Variants in TYW1 observed in about 807,000 individuals in gnomAD.
The protein encoded by TYW1 is tRNA-yW synthesizing protein 1 homolog, also known as S-adenosyl-L-methionine-dependent tRNA 4-demethylwyosine synthase TYW1.
Under a neutral mutation model 96.2 loss-of-function variants are expected in TYW1, and 46 were observed. That is an observed-to-expected ratio of 0.48 (90% CI 0.38 to 0.61). The LOEUF (loss-of-function observed/expected upper bound fraction) is 0.61. TYW1 is among the 20% of genes least tolerant of loss of function. The probability of loss-of-function intolerance (pLI) is 0.00; values close to 1 mark genes in which losing one functional copy is unlikely to be tolerated. For synonymous variants in TYW1, 274 were observed against 323.0 expected, an observed-to-expected ratio of 0.85 and a Z score of 1.63; for missense variants, 684 against 909.6, an observed-to-expected ratio of 0.75 and a Z score of 3.19.
intron 13 of TYW1, among the ~76,000 whole-genome samples, chr7:67,156,705 G>A (rs1292202753): frequency 5.3e-5 from 8 of 152,142 alleles, no homozygotes; most frequent in Non-Finnish European, 7.3e-5. Flanking sequence ...CCAGAGATGT[G>A]GAGATGCAGG....
At chr7:67,097,364 T>TG (rs1295695941) in intron 11 of TYW1, among the ~76,000 whole-genome samples, 2 of 152,204 alleles carry the variant, frequency 1.3e-5, no homozygotes, top group Non-Finnish European at 2.9e-5. Context: ...CCCACTCTGA[T>TG]GAAACAGACT....
Position 67,141,287 on chromosome 7 carries a change from T to G in TYW1, c.1698+23669T>G, listed in dbSNP as rs1798440654. Among the ~76,000 whole-genome samples the G allele has an allele frequency of 2.0e-5, 3 of 152,188 alleles. No homozygotes were observed. The South Asian group carries it at 6.2e-4, about 31-fold the overall frequency. ...TTCTTTTTAACATTTATTTACAGAC[T>G]GGAATATTAAGCTTTATGCAAACCT... On this transcript the variant is annotated intron_variant, in intron 13 of 15. Coordinates refer to ENST00000359626, the MANE Select transcript of TYW1 (RefSeq NM_018264.4).
At chr7:67,177,154 C>T (rs1799698988) in intron 13 of TYW1, among the ~76,000 whole-genome samples, 1 of 152,150 alleles carries the variant, frequency 6.6e-6, no homozygotes, top group Non-Finnish European at 1.5e-5. Context: ...ATATTTATTA[C>T]AGTGGACTAT....
rs761807165 is a variant in TYW1 at position 67,009,653 on chromosome 7, A to G, written c.344A>G (p.Glu115Gly). 1 of 1,611,204 alleles carries G rather than the reference A, an allele frequency of 6.2e-7. No homozygotes were observed. Among genetic ancestry groups the G allele is most frequent in the Middle Eastern group, 1.7e-4 (1 of 6,054 alleles). Residue 115 changes from glutamate (E) to glycine (G), a missense_variant, in exon 4 of 16, where the codon GAA becomes GGA. Coordinates refer to ENST00000359626, the MANE Select transcript of TYW1 (RefSeq NM_018264.4). ...DLPVAIINLK[E>G]YDPDDHLIEE... ...CCTGTGGCCATTATTAATCTAAAAGAATATGATCCAGATGATCATCTGATA... is the reference window on the plus strand; with the variant it reads ...CCTGTGGCCATTATTAATCTAAAAGGATATGATCCAGATGATCATCTGATA...
At chr7:67,000,587 C>A (rs1276006174) in intron 3 of TYW1, among the ~76,000 whole-genome samples, 1 of 152,136 alleles carries the variant, frequency 6.6e-6, no homozygotes, top group Non-Finnish European at 1.5e-5. Context: ...GCGTGAGGCA[C>A]CGCTCCCAGC....
At chr7:67,149,772 A>ATCTC (rs78241871) in intron 13 of TYW1, among the ~76,000 whole-genome samples, 3 of 82,954 alleles carry the variant, frequency 3.6e-5, no homozygotes, top group East Asian at 2.3e-4. Context: ...CTATCTATCT[A>ATCTC]TCTCTCTATG....
Position 67,202,620 on chromosome 7 carries a change from C to T in TYW1, c.1977+7283C>T, listed in dbSNP as rs759340544. 9.9e-5 allele frequency among the ~76,000 whole-genome samples: 15 copies of T among 152,192 alleles called. 1 individual carries two copies. In the Middle Eastern group the frequency reaches 0.014, roughly 138 times the overall value. On this transcript the variant is annotated intron_variant, in intron 15 of 15. Coordinates refer to ENST00000359626, the MANE Select transcript of TYW1 (RefSeq NM_018264.4). Reference sequence around the variant, plus strand: ...CTGTGTTGGCCAGGCTGCTGTCAAACTCCTGGGCTCGAGCAGCCCTCCCAC... The same window carrying T: ...CTGTGTTGGCCAGGCTGCTGTCAAATTCCTGGGCTCGAGCAGCCCTCCCAC...
chr7:67,121,032 C>T (rs1313587524), intron 13 of TYW1, among the ~76,000 whole-genome samples: 2 of 152,184 alleles, frequency 1.3e-5, no homozygotes, highest in Admixed American at 1.3e-4. Context: ...TTGTTCTTGG[C>T]ATTGTTTTTG....
At chr7:67,160,644 T>G (rs1203126390) in intron 13 of TYW1, among the ~76,000 whole-genome samples, 2 of 149,742 alleles carry the variant, frequency 1.3e-5, no homozygotes, top group East Asian at 3.9e-4. Context: ...CAGGCTGGAG[T>G]GCAGTGATGC....
chr7:67,033,234 G>A (rs1384597598), intron 7 of TYW1, among the ~76,000 whole-genome samples: 1 of 152,006 alleles, frequency 6.6e-6, no homozygotes, highest in Non-Finnish European at 1.5e-5. Flanking sequence ...CCTCCTCTGT[G>A]CCCTGTCCCT....
At chr7:67,196,554 T>C (rs2901424) in intron 15 of TYW1, among the ~76,000 whole-genome samples, 43,692 of 151,774 alleles carry the variant, frequency 0.29, 6,919 homozygotes, top group African/African-American at 0.43. Context: ...GTTTTAGATA[T>C]GTGATTTAAC....
At chr7:67,083,016 C>A (rs887126518) in intron 10 of TYW1, among the ~76,000 whole-genome samples, 2 of 152,120 alleles carry the variant, frequency 1.3e-5, no homozygotes, top group African/African-American at 2.4e-5. Context: ...AGGAGAAACT[C>A]ATTCTCAGGC....
intron 13 of TYW1, among the ~76,000 whole-genome samples, chr7:67,170,717 A>T (rs999542072): frequency 1.4e-4 from 21 of 152,096 alleles, no homozygotes; most frequent in Admixed American, 6.6e-5. Flanking sequence ...GTTACTATGG[A>T]TATAGCTGTT....
Position 67,009,666 on chromosome 7 carries a change from T to A in TYW1, c.357T>A (p.Asp119Glu). The A allele has an allele frequency of 6.2e-7, 1 of 1,607,676 alleles. No homozygotes were observed. Among genetic ancestry groups the A allele is most frequent in the Non-Finnish European group, 8.5e-7 (1 of 1,178,090 alleles). The stretch of plus-strand genomic sequence containing the variant: ...TTAATCTAAAAGAATATGATCCAGA[T>A]GATCATCTGATAGAAGAGGTTGGTA... The part of the protein sequence containing the change: ...AIINLKEYDP[D>E]DHLIEEVTSK... Residue 119 changes from aspartate (D) to glutamate (E), a missense_variant, in exon 4 of 16, where the codon GAT (aspartate) becomes GAA (glutamate). Physicochemically the swap from Asp to Glu is conservative, Grantham distance 45. Transcript: ENST00000359626.
At chr7:67,010,051 C>T (rs1460547990) in intron 4 of TYW1, among the ~76,000 whole-genome samples, 2 of 150,262 alleles carry the variant, frequency 1.3e-5, no homozygotes, top group African/African-American at 4.9e-5. Context: ...GGTGCAATCT[C>T]AGTTCAGTGC....
At chr7:67,174,220 C>T (rs1385304652) in intron 13 of TYW1, among the ~76,000 whole-genome samples, 1 of 152,000 alleles carries the variant, frequency 6.6e-6, no homozygotes, top group East Asian at 1.9e-4. Flanking sequence ...CTTTTTTCCC[C>T]CATTACAAAA....
intron 15 of TYW1, among the ~76,000 whole-genome samples, chr7:67,210,614 C>T (rs927570563): frequency 2.6e-5 from 4 of 152,202 alleles, no homozygotes; most frequent in Non-Finnish European, 5.9e-5. Context: ...CGTATTCAGT[C>T]ATATATCTGT....
chr7:67,003,197 C>T (rs1793464179), intron 3 of TYW1, among the ~76,000 whole-genome samples: 1 of 152,102 alleles, frequency 6.6e-6, no homozygotes, highest in Admixed American at 6.6e-5. Flanking sequence ...AACTGAACTC[C>T]CAATTTTCTG....
chr7:67,069,655 C>G (rs1416059372), intron 10 of TYW1, among the ~76,000 whole-genome samples: 1 of 152,126 alleles, frequency 6.6e-6, no homozygotes, highest in African/African-American at 2.4e-5. Flanking sequence ...TGGGGGTGAT[C>G]ATAAGCCTGG....
Sources: gnomAD v4.1 joint callset for allele counts (sites outside exome capture counted in the v4.1 genomes callset) on GRCh38, gnomAD v4.1.1 for gene constraint, MANE v1.5 for transcripts, NCBI Gene and HGNC (gene_info 2026-07-23, HGNC 2026-07-21) for gene names.